Variants in RORA observed in about 807,000 individuals in gnomAD.
RORA encodes nuclear receptor ROR-alpha.
Under a neutral mutation model 69.5 loss-of-function variants are expected in RORA, and 7 were observed. The observed-to-expected ratio is 0.10, with a 90% CI of 0.06 to 0.19. RORA has a LOEUF of 0.19. RORA is among the 10% of genes least tolerant of loss of function. The pLI is 1.00. For missense variants in RORA, 457 were observed against 663.0 expected (o/e 0.69, Z 3.41); for synonymous variants, 261 against 240.8 (o/e 1.08, Z -0.78).
intron 1 of RORA, among the ~76,000 whole-genome samples, chr15:60,786,473 G>C (rs747180275): frequency 2.0e-5 from 3 of 152,238 alleles, no homozygotes; most frequent in Non-Finnish European, 4.4e-5. Context: ...ACCTTGCACA[G>C]CAGGAGTGGG....
rs546212958 is a variant in RORA, at chr15:61,067,087, A to G, written c.166+161966T>C. 4.6e-5 allele frequency among the ~76,000 whole-genome samples: 7 copies of G among 151,338 alleles called. No homozygotes were observed. In the South Asian group the frequency reaches 1.3e-3, roughly 27 times the overall value. On this transcript the variant is annotated intron_variant, in intron 1 of 10. Transcript: ENST00000335670. ...ACCATTATTGACATATTATCTATGT[A>G]TGTATGCATTAGTCTAAACTTTTTT...
chr15:61,085,403 G>A (rs1566981101), intron 1 of RORA, among the ~76,000 whole-genome samples: 1 of 152,208 alleles, frequency 6.6e-6, no homozygotes, highest in East Asian at 1.9e-4. Context: ...ACAAAAATGG[G>A]CTGGACAGAT....
chr15:60,865,853 T>C (rs918646715), intron 1 of RORA, among the ~76,000 whole-genome samples: 7 of 152,220 alleles, frequency 4.6e-5, no homozygotes, highest in African/African-American at 1.7e-4. Context: ...AGCTGAGAGC[T>C]ATAATGAAGA....
At chr15:60,498,065 AAAAT>A (rs2065217059) in intron 10 of RORA, among the ~76,000 whole-genome samples, 3 of 152,184 alleles carry the variant, frequency 2.0e-5, no homozygotes, top group South Asian at 2.1e-4. Flanking sequence ...TCTCTTAAAA[AAAAT>A]AAATAAATAA....
At chr15:60,950,983 T>C (rs2140333854) in intron 1 of RORA, among the ~76,000 whole-genome samples, 1 of 150,548 alleles carries the variant, frequency 6.6e-6, no homozygotes, top group African/African-American at 2.4e-5. Context: ...CAACAGAATA[T>C]ACATTTTTTT....
chr15:60,806,760 C>T (rs1254128716), intron 1 of RORA, among the ~76,000 whole-genome samples: 3 of 152,172 alleles, frequency 2.0e-5, no homozygotes, highest in East Asian at 3.8e-4. Flanking sequence ...GGCTTTCTTG[C>T]TTCCCATCAC....
chr15:61,039,085 G>C (rs1369422532), intron 1 of RORA: 1 of 152,234 alleles, frequency 6.6e-6, no homozygotes, highest in African/African-American at 2.4e-5. Context: ...ACCTCTTGCT[G>C]TTTGGGGTTA....
chr15:60,563,908 A>G (rs1262901724), intron 2 of RORA, among the ~76,000 whole-genome samples: 3 of 152,148 alleles, frequency 2.0e-5, no homozygotes, highest in African/African-American at 7.2e-5. Context: ...CATGGCATTC[A>G]GTGTTGTATG....
intron 1 of RORA, among the ~76,000 whole-genome samples, chr15:60,991,784 C>T (rs1332677837): frequency 6.6e-6 from 1 of 151,846 alleles, no homozygotes; most frequent in Non-Finnish European, 1.5e-5. Flanking sequence ...GCTGCAAGCA[C>T]CTGTGCTACT....
chr15:60,866,280 C>G (rs151103560), intron 1 of RORA, among the ~76,000 whole-genome samples: 1 of 152,200 alleles, frequency 6.6e-6, no homozygotes, highest in South Asian at 2.1e-4. Flanking sequence ...GTTTTAGCTC[C>G]CACATATTAA....
At chr15:60,938,003 G>A (rs4775325) in intron 1 of RORA, among the ~76,000 whole-genome samples, 23,591 of 152,154 alleles carry the variant, frequency 0.16, 1,948 homozygotes, top group Admixed American at 0.2. Context: ...TGGTGAGGAA[G>A]AGGAAGGAGA....
chr15:60,690,484 C>A (rs1195766118), intron 1 of RORA, among the ~76,000 whole-genome samples: 4 of 152,212 alleles, frequency 2.6e-5, no homozygotes, highest in African/African-American at 9.6e-5. Flanking sequence ...GTGAGCAGAG[C>A]TTCCTTGGCA....
At chr15:61,179,149 A>G (rs2079658846) in intron 1 of RORA, among the ~76,000 whole-genome samples, 1 of 152,028 alleles carries the variant, frequency 6.6e-6, no homozygotes, top group South Asian at 2.1e-4. Context: ...CAGTATCTCC[A>G]CTCCATAGAG....
intron 1 of RORA, among the ~76,000 whole-genome samples, chr15:60,795,989 G>C (rs533175545): frequency 6.6e-6 from 1 of 152,314 alleles, no homozygotes; most frequent in South Asian, 2.1e-4. Flanking sequence ...AATGTGTAAA[G>C]CCTATGCAAA....
At chr15:60,850,812 G>T (rs2073315962) in intron 1 of RORA, among the ~76,000 whole-genome samples, 2 of 152,202 alleles carry the variant, frequency 1.3e-5, no homozygotes, top group Non-Finnish European at 2.9e-5. Flanking sequence ...ATTCTTCTGT[G>T]TTCAGGGTGA....
chr15:60,717,902 C>T (rs1023500610), intron 1 of RORA, among the ~76,000 whole-genome samples: 9 of 142,550 alleles, frequency 6.3e-5, no homozygotes, highest in Non-Finnish European at 1.2e-4. Context: ...AGGGTTCAAG[C>T]GATTGTCCTG....
chr15:60,997,228 ATGTT>A (rs1480745886), intron 1 of RORA, among the ~76,000 whole-genome samples: 4 of 152,300 alleles, frequency 2.6e-5, no homozygotes, highest in Non-Finnish European at 4.4e-5. Flanking sequence ...TTAAGTAAGA[ATGTT>A]TGTGTGATTT....
At chr15:61,087,614 G>T (rs1365878131) in intron 1 of RORA, among the ~76,000 whole-genome samples, 1 of 152,166 alleles carries the variant, frequency 6.6e-6, no homozygotes, top group Admixed American at 6.5e-5. Flanking sequence ...TGAGGAAGGG[G>T]ACAAATGAGG....
intron 1 of RORA, among the ~76,000 whole-genome samples, chr15:60,853,817 C>A (rs1350871515): frequency 6.6e-6 from 1 of 152,202 alleles, no homozygotes; most frequent in Non-Finnish European, 1.5e-5. Flanking sequence ...ATTGTTGTCC[C>A]TATTTGATGG....
Sources: allele counts gnomAD v4.1 joint callset (sites outside exome capture counted in the v4.1 genomes callset), GRCh38; gene constraint gnomAD v4.1.1; transcripts MANE v1.5; gene names NCBI Gene and HGNC (gene_info 2026-07-23, HGNC 2026-07-21).